The following PCNX1 variants were observed in gnomAD, a reference collection of about 807,000 sequenced individuals.
The protein encoded by PCNX1 is pecanex 1.
A neutral mutation model predicts 242.2 loss-of-function variants in PCNX1; 78 were observed. The observed-to-expected ratio is 0.32, with a 90% CI of 0.27 to 0.39. PCNX1 has a LOEUF of 0.39. PCNX1 is among the 10% of genes least tolerant of loss of function. The pLI is 1.00. For missense variants in PCNX1, 2,581 were observed against 2,856.5 expected (o/e 0.90, Z 2.20); for synonymous variants, 1,024 against 1,032.9 (o/e 0.99, Z 0.17).
intron 26 of PCNX1, among the ~76,000 whole-genome samples, chr14:71,062,261 C>T (rs1468600680): frequency 1.3e-5 from 2 of 152,090 alleles, no homozygotes; most frequent in African/African-American, 4.8e-5. Flanking sequence ...TGTGTCATTG[C>T]TTCTGAAGGC....
chr14:71,073,467 A>G (rs746397217), intron 26 of PCNX1, 78 bp from the exon 27 acceptor site: 43 of 1,350,694 alleles, frequency 3.2e-5, no homozygotes, highest in Non-Finnish European at 4.1e-5. Flanking sequence ...ATTTTTTTCT[A>G]AATCTTATGT....
chr14:71,059,837 C>T (rs2061280297), intron 26 of PCNX1, among the ~76,000 whole-genome samples: 1 of 152,208 alleles, frequency 6.6e-6, no homozygotes, highest in Non-Finnish European at 1.5e-5. Context: ...TTTCTCCATC[C>T]TCACTTTACA....
intron 8 of PCNX1, among the ~76,000 whole-genome samples, chr14:70,998,552 A>G (rs2140367919): frequency 6.6e-6 from 1 of 152,170 alleles, no homozygotes; most frequent in South Asian, 2.1e-4. Flanking sequence ...GTAGTTCTAG[A>G]GCAGCCTGGC....
intron 28 of PCNX1, among the ~76,000 whole-genome samples, chr14:71,076,637 C>T (rs964952172): frequency 6.6e-6 from 1 of 152,170 alleles, no homozygotes; most frequent in African/African-American, 2.4e-5. Flanking sequence ...TGCAGTGTCC[C>T]AGTCTCACTG....
chr14:70,978,117 G>A lies in PCNX1; in HGVS notation c.1780G>A (p.Ala594Thr), dbSNP rs34222509. 4.0e-3 allele frequency: 6,413 copies of A among 1,614,118 alleles called. 21 individuals carry two copies. Among genetic ancestry groups the A allele is most frequent in the South Asian group, 4.9e-3 (448 of 91,086 alleles). ...TGTTTCTGGTACCAAGCCACACAGT[G>A]CTATATTTTGTCATGACGAAGACTC... is the stretch of plus-strand genomic sequence containing the variant. ...RGVSGTKPHSAIFCHDEDSSD... is the reference protein window; with the variant it reads ...RGVSGTKPHSTIFCHDEDSSD... Residue 594 changes from alanine (A) to threonine (T), a missense_variant, in exon 6 of 36, where the codon GCT becomes ACT. By Grantham distance (58) the Ala-to-Thr change is moderately conservative. Transcript: ENST00000304743.
At position 71,076,190 on chromosome 14, in the gene PCNX1, G is replaced by T; in HGVS notation, c.5108G>T (p.Gly1703Val). The T allele has an allele frequency of 6.4e-7, 1 of 1,570,142 alleles. No homozygotes were observed. ...RKVLTTYYVKGIIYYVTTSSK... is the reference protein window; with the variant it reads ...RKVLTTYYVKVIIYYVTTSSK... ...TTTTTTTTGTCTTGTTCATGTTAGG[G>T]TATCATTTATTATGTTACGACCTCG... Residue 1703 changes from glycine (G) to valine (V), a missense_variant and splice_region_variant, in exon 28 of 36, where the codon GGT becomes GTT. Coordinates refer to ENST00000304743, the MANE Select transcript of PCNX1 (RefSeq NM_014982.3).
At chr14:71,089,884 A>G (rs2062085199) in intron 30 of PCNX1, among the ~76,000 whole-genome samples, 2 of 152,224 alleles carry the variant, frequency 1.3e-5, no homozygotes, top group South Asian at 4.1e-4. Context: ...TTAAAACCTG[A>G]ACCTATGTTT....
intron 29 of PCNX1, 90 bp downstream of exon 29, chr14:71,088,520 A>T: frequency 1.5e-6 from 1 of 681,842 alleles, no homozygotes; most frequent in Non-Finnish European, 2.6e-6. Context: ...CATGTATTCT[A>T]TGCTAATTTA....
chr14:70,986,312 T>C (rs2140224593), intron 6 of PCNX1, among the ~76,000 whole-genome samples: 1 of 152,356 alleles, frequency 6.6e-6, no homozygotes, highest in South Asian at 2.1e-4. Context: ...ACAGTAATCA[T>C]AATTCCACTT....
intron 25 of PCNX1, 44 bp from the exon 26 acceptor site, chr14:71,057,465 G>A: frequency 8.2e-7 from 1 of 1,215,718 alleles, no homozygotes. Flanking sequence ...TTGTCAAGAG[G>A]ACTTAAGGTT....
intron 5 of PCNX1, among the ~76,000 whole-genome samples, chr14:70,973,255 A>C: frequency 6.7e-6 from 1 of 149,446 alleles, no homozygotes; most frequent in East Asian, 1.9e-4. Context: ...TCTGTCTCAA[A>C]AAAAAAAAAA....
chr14:71,012,390 G>T (rs2059844097), intron 10 of PCNX1: 1 of 157,200 alleles, frequency 6.4e-6, no homozygotes, highest in Non-Finnish European at 1.4e-5. Flanking sequence ...AAATCTTAAG[G>T]TTTTTTCTTA....
chr14:71,051,829 G>A (rs1165154549), intron 23 of PCNX1, 54 bp from the exon 24 acceptor site: 1 of 1,575,116 alleles, frequency 6.3e-7, no homozygotes, highest in Non-Finnish European at 8.6e-7. Flanking sequence ...GCGAGGGTTT[G>A]TTTGGCATCT....
intron 7 of PCNX1, among the ~76,000 whole-genome samples, chr14:70,991,350 G>T (rs1435377144): frequency 1.3e-5 from 2 of 151,840 alleles, no homozygotes; most frequent in African/African-American, 4.8e-5. Context: ...GATTACAGGT[G>T]CCCGCCACCA....
At chr14:71,023,830 C>A (rs899877444) in intron 13 of PCNX1, among the ~76,000 whole-genome samples, 1 of 151,980 alleles carries the variant, frequency 6.6e-6, no homozygotes, top group East Asian at 1.9e-4. Flanking sequence ...AAATAGACTT[C>A]ATGAATAGTT....
chr14:71,065,188 C>T (rs947321092), intron 26 of PCNX1, among the ~76,000 whole-genome samples: 12 of 152,302 alleles, frequency 7.9e-5, no homozygotes, highest in Admixed American at 2.6e-4. Context: ...CTTGAGGAAT[C>T]GCCACATTGT....
At chr14:71,037,630 G>A (rs1281911730) in intron 19 of PCNX1, among the ~76,000 whole-genome samples, 1 of 150,970 alleles carries the variant, frequency 6.6e-6, no homozygotes, top group African/African-American at 2.4e-5. Flanking sequence ...TGCATCCCAG[G>A]GATGAAGCCC....
At chr14:70,928,113 ACT>A (rs1428613552) in intron 1 of PCNX1, among the ~76,000 whole-genome samples, 27 of 152,072 alleles carry the variant, frequency 1.8e-4, no homozygotes, top group Non-Finnish European at 3.5e-4. Flanking sequence ...AATTTGAGTT[ACT>A]GTTATTATTT....
In PCNX1 at chr14:71,079,369, A is replaced by G. The variant is rs2061794713; in HGVS notation, c.5337+2950A>G. Among the ~76,000 whole-genome samples, 4 of 152,136 alleles carry G rather than the reference A, an allele frequency of 2.6e-5. No individual in the cohort carries two copies. The South Asian group carries it at 8.3e-4, about 32-fold the overall frequency. On this transcript the variant is annotated intron_variant, in intron 28 of 35. Transcript: ENST00000304743. Reference sequence around the variant, plus strand: ...CCTTTGTGTGTATACCCAAAATGGGATTGCTGGGTCAAATGGCATTTCTGG... The same window carrying G: ...CCTTTGTGTGTATACCCAAAATGGGGTTGCTGGGTCAAATGGCATTTCTGG...
Sources: allele counts gnomAD v4.1 joint callset (sites outside exome capture counted in the v4.1 genomes callset), GRCh38; gene constraint gnomAD v4.1.1; transcripts MANE v1.5; gene names NCBI Gene and HGNC (gene_info 2026-07-23, HGNC 2026-07-21).